Variants in TNFRSF10B observed in about 807,000 individuals in gnomAD.
TNFRSF10B encodes the protein tumor necrosis factor receptor superfamily member 10B.
TNFRSF10B carries 35 observed loss-of-function variants against 41.4 expected under a neutral mutation model. The ratio of observed to expected loss-of-function variants is 0.85; its 90% CI spans 0.65 to 1.12. The LOEUF is 1.12. Ranked by LOEUF, TNFRSF10B falls within the 50% of genes most tolerant of loss-of-function variation. TNFRSF10B has a pLI of 0.00. For missense variants in TNFRSF10B, 584 were observed against 552.7 expected (o/e 1.06, Z -0.57); for synonymous variants, 230 against 215.5 (o/e 1.07, Z -0.59).
At chr8:23,033,360 G>A (rs1050625686) in intron 2 of TNFRSF10B, among the ~76,000 whole-genome samples, 5 of 152,070 alleles carry the variant, frequency 3.3e-5, no homozygotes, top group East Asian at 3.9e-4. Context: ...CGAGGCGGGC[G>A]GATCACGAGG....
intron 1 of TNFRSF10B, among the ~76,000 whole-genome samples, chr8:23,049,251 A>G (rs960861222): frequency 3.3e-5 from 5 of 152,216 alleles, no homozygotes; most frequent in African/African-American, 9.6e-5. Flanking sequence ...GTGCCCTTAT[A>G]TAAAGGCTGG....
intron 1 of TNFRSF10B, among the ~76,000 whole-genome samples, chr8:23,051,489 A>G (rs1163279767): frequency 6.6e-6 from 1 of 152,212 alleles, no homozygotes; most frequent in Non-Finnish European, 1.5e-5. Flanking sequence ...TAAATAAATG[A>G]AACATTAATA....
intron 2 of TNFRSF10B, among the ~76,000 whole-genome samples, chr8:23,031,817 A>C (rs539413603): frequency 1.3e-5 from 2 of 152,314 alleles, no homozygotes; most frequent in South Asian, 4.1e-4. Context: ...TGTAATCCAC[A>C]TAAAACATTG....
At chr8:23,056,727 T>A (rs1812677143) in intron 1 of TNFRSF10B, among the ~76,000 whole-genome samples, 1 of 152,068 alleles carries the variant, frequency 6.6e-6, no homozygotes, top group Non-Finnish European at 1.5e-5. Flanking sequence ...TATTTTGAAA[T>A]ATTTTTGTAT....
chr8:23,028,957 T>G (rs536825452), intron 4 of TNFRSF10B, among the ~76,000 whole-genome samples: 286 of 152,312 alleles, frequency 1.9e-3, no homozygotes, highest in African/African-American at 6.7e-3. Flanking sequence ...GAGTCCGGTC[T>G]TCCAGTCAAC....
intron 1 of TNFRSF10B, among the ~76,000 whole-genome samples, chr8:23,048,980 A>C (rs1812442534): frequency 6.6e-6 from 1 of 152,254 alleles, no homozygotes; most frequent in Non-Finnish European, 1.5e-5. Flanking sequence ...TCTCCAAAGA[A>C]GATAAGCAAA....
intron 1 of TNFRSF10B, among the ~76,000 whole-genome samples, chr8:23,056,559 G>A (rs888726554): frequency 1.3e-5 from 2 of 151,762 alleles, no homozygotes; most frequent in Admixed American, 6.6e-5. Flanking sequence ...GCTGAGGCAG[G>A]AGGATCCCTT....
Position 23,068,808 on chromosome 8 carries a change from C to T in TNFRSF10B, c.87G>A (p.Arg29=). The part of the protein sequence containing the change: ...GPGPREARGA[R]PGPRVPKTLV... The stretch of plus-strand genomic sequence containing the variant: ...GGGTCTTGGGGACCCGGGGCCCAGG[C>T]CTGGCTCCCCGCGCCTCCCTGGGTC... The change falls in exon 1 of 9, where the codon AGG becomes AGA. Residue 29 remains arginine (R), a synonymous_variant. Coordinates refer to ENST00000276431, the MANE Select transcript of TNFRSF10B (RefSeq NM_003842.5). The T allele has an allele frequency of 1.2e-6, 2 of 1,611,480 alleles. No homozygotes were observed. Among genetic ancestry groups the T allele is most frequent in the Middle Eastern group, 1.7e-4 (1 of 6,054 alleles).
At position 23,043,125 on chromosome 8, in the gene TNFRSF10B, A is replaced by T. The variant is rs778455124; in HGVS notation, c.250+13T>A. 7 of 1,612,930 alleles carry T rather than the reference A, an allele frequency of 4.3e-6. No homozygotes were observed. In the East Asian group the frequency reaches 1.6e-4, roughly 36 times the overall value. ...GAGGAGGGGCAAGGATTAGAGACCC[A>T]TCTTGAACATACCAGGTGGACACAA... is the stretch of plus-strand genomic sequence containing the variant. On this transcript the variant is annotated intron_variant, in intron 2 of 8. Transcript: ENST00000276431.
At chr8:23,055,817 T>C (rs1031375504) in intron 1 of TNFRSF10B, among the ~76,000 whole-genome samples, 4 of 152,184 alleles carry the variant, frequency 2.6e-5, no homozygotes, top group African/African-American at 9.7e-5. Flanking sequence ...TTACTGAGGC[T>C]CCACAGGAAG....
At chr8:23,060,127 A>G (rs1335785803) in intron 1 of TNFRSF10B, among the ~76,000 whole-genome samples, 1 of 151,798 alleles carries the variant, frequency 6.6e-6, no homozygotes, top group Non-Finnish European at 1.5e-5. Context: ...TTGATTCACA[A>G]GAGTTACTGA....
At position 23,022,836 on chromosome 8, in the gene TNFRSF10B, C is replaced by T. The variant is rs140398163; in HGVS notation, c.1158G>A (p.Leu386=). 3.2e-5 allele frequency: 52 copies of T among 1,614,078 alleles called. No homozygotes were observed. In the African/African-American group the frequency reaches 5.7e-4, roughly 18 times the overall value. ...GCCCGGTTTTGTTGACCCACTTTAT[C>T]AGCATCGTGTACAAGGTGTCCCTGT... The part of the protein sequence containing the change: ...AGHRDTLYTM[L]IKWVNKTGRD... The change falls in exon 9 of 9, where the codon CTG becomes CTA. Residue 386 remains leucine (L), a synonymous_variant. Coordinates refer to ENST00000276431, the MANE Select transcript of TNFRSF10B (RefSeq NM_003842.5).
At chr8:23,033,355 C>T (rs971723892) in intron 2 of TNFRSF10B, among the ~76,000 whole-genome samples, 23 of 152,046 alleles carry the variant, frequency 1.5e-4, no homozygotes, top group Admixed American at 6.5e-4. Flanking sequence ...GAGGCCGAGG[C>T]GGGCGGATCA....
chr8:23,049,195 TACTG>T (rs1203163632), intron 1 of TNFRSF10B, among the ~76,000 whole-genome samples: 3 of 152,166 alleles, frequency 2.0e-5, no homozygotes, highest in South Asian at 2.1e-4. Flanking sequence ...ACTGTGTCAG[TACTG>T]ACTGAGTGGT....
intron 5 of TNFRSF10B, 101 bp downstream of exon 5, chr8:23,028,230 C>G: frequency 6.4e-7 from 1 of 1,553,672 alleles, no homozygotes; most frequent in Non-Finnish European, 8.8e-7. Context: ...GCTGGAGGCA[C>G]TTAGACTTGG....
intron 1 of TNFRSF10B, among the ~76,000 whole-genome samples, chr8:23,056,647 T>C (rs1812674480): frequency 7.5e-6 from 1 of 133,740 alleles, no homozygotes; most frequent in Admixed American, 7.2e-5. Flanking sequence ...CAAGACTCCA[T>C]CTCAAAAAAA....
At position 23,028,123 on chromosome 8, in the gene TNFRSF10B, A is replaced by AC. The variant is rs964440559; in HGVS notation, c.748+207dup. ...CTGGACTTGGCTGGGAGATATGGGG[A>AC]CCCCCAGACCTGGGAGAGGGACTGA... On this transcript the variant is annotated intron_variant, in intron 5 of 8. Coordinates refer to ENST00000276431, the MANE Select transcript of TNFRSF10B (RefSeq NM_003842.5). 4.6e-6 allele frequency: 3 copies of AC among 659,262 alleles called. No individual in the cohort carries two copies. The African/African-American group carries it at 5.5e-5, about 12-fold the overall frequency. 40.8% of individuals were successfully genotyped at this position (659,262 alleles called of 1,614,324 possible).
intron 1 of TNFRSF10B, among the ~76,000 whole-genome samples, chr8:23,059,309 ATC>A (rs1812756714): frequency 1.3e-5 from 2 of 152,318 alleles, no homozygotes; most frequent in African/African-American, 4.8e-5. Flanking sequence ...GTGTACAAAT[ATC>A]TGTTTGAAAC....
At chr8:23,032,042 G>A (rs1360041604) in intron 2 of TNFRSF10B, among the ~76,000 whole-genome samples, 1 of 151,822 alleles carries the variant, frequency 6.6e-6, no homozygotes, top group Non-Finnish European at 1.5e-5. Flanking sequence ...GAGTAACTGG[G>A]ATTACAGGCA....
Sources: allele counts gnomAD v4.1 joint callset (sites outside exome capture counted in the v4.1 genomes callset), GRCh38; gene constraint gnomAD v4.1.1; transcripts MANE v1.5; gene names NCBI Gene and HGNC (gene_info 2026-07-23, HGNC 2026-07-21).